Variants in HSPA4L observed in about 807,000 individuals in gnomAD.
HSPA4L encodes heat shock 70 kDa protein 4L.
A neutral mutation model predicts 100.3 loss-of-function variants in HSPA4L; 48 were observed. That is an observed-to-expected ratio of 0.48 (90% CI 0.38 to 0.61). HSPA4L has a LOEUF of 0.61. Ranked by LOEUF, HSPA4L falls within the 20% of genes least tolerant of loss-of-function variation. HSPA4L has a pLI of 0.00. For missense variants in HSPA4L, 886 were observed against 988.6 expected, an observed-to-expected ratio of 0.90 and a Z score of 1.39; for synonymous variants, 319 against 328.2, an observed-to-expected ratio of 0.97 and a Z score of 0.30.
intron 1 of HSPA4L, among the ~76,000 whole-genome samples, chr4:127,791,697 A>G (rs550810516): frequency 6.6e-6 from 1 of 152,306 alleles, no homozygotes; most frequent in Middle Eastern, 3.4e-3. Flanking sequence ...TTAACACTAC[A>G]GTCAATATGA....
chr4:127,791,554 AT>A (rs1039069946), intron 1 of HSPA4L, among the ~76,000 whole-genome samples: 1 of 152,174 alleles, frequency 6.6e-6, no homozygotes, highest in Admixed American at 6.5e-5. Flanking sequence ...TGGCTGCCAT[AT>A]GGGATGGTGA....
intron 15 of HSPA4L, 87 bp downstream of exon 15, chr4:127,822,981 C>G (rs937762843): frequency 7.6e-7 from 1 of 1,319,596 alleles, no homozygotes; most frequent in African/African-American, 1.5e-5. Flanking sequence ...ATAAATGTAC[C>G]AAATGTTGTT....
intron 3 of HSPA4L, among the ~76,000 whole-genome samples, chr4:127,798,162 T>C (rs1733076352): frequency 1.3e-5 from 2 of 152,186 alleles, no homozygotes; most frequent in Admixed American, 6.5e-5. Flanking sequence ...GAAAGAATGA[T>C]GTTCTCATTT....
intron 11 of HSPA4L, chr4:127,809,319 A>G: frequency 8.4e-7 from 1 of 1,186,368 alleles, no homozygotes; most frequent in Non-Finnish European, 1.3e-6. Context: ...CTGTCTTAAT[A>G]AGGACTTCTG....
intron 4 of HSPA4L, among the ~76,000 whole-genome samples, chr4:127,799,229 A>T (rs1733107135): frequency 6.6e-6 from 1 of 152,158 alleles, no homozygotes; most frequent in Non-Finnish European, 1.5e-5. Flanking sequence ...CAAGAGTCTT[A>T]TGTCATCAGA....
At chr4:127,817,311 G>T (rs960928672) in intron 12 of HSPA4L, among the ~76,000 whole-genome samples, 8 of 151,896 alleles carry the variant, frequency 5.3e-5, no homozygotes, top group Non-Finnish European at 8.8e-5. Flanking sequence ...TGATCTGCCT[G>T]CCTTGGCCTC....
intron 10 of HSPA4L, 93 bp downstream of exon 10, chr4:127,805,886 A>T: frequency 1.4e-6 from 1 of 702,008 alleles, no homozygotes; most frequent in South Asian, 2.2e-5. Context: ...ACGCTTCTTA[A>T]AATTCTGCCA....
At position 127,808,096 on chromosome 4, in the gene HSPA4L, T is replaced by G; in HGVS notation, c.1345T>G (p.Leu449Val). The change falls in exon 11 of 19, where the codon TTA (leucine) becomes GTA (valine). Residue 449 changes from leucine to valine, a missense_variant. Leu to Val is a conservative substitution (Grantham distance 32). Coordinates refer to ENST00000296464, the MANE Select transcript of HSPA4L (RefSeq NM_014278.4). ...TGAACTAGAAGCATTTTATACTAAT[T>G]TACATGAAGTGCCTTATCCTGATGC... ...PFELEAFYTN[L>V]HEVPYPDARI... The G allele has an allele frequency of 1.2e-6, 2 of 1,611,920 alleles. No homozygotes were observed. Among genetic ancestry groups the G allele is most frequent in the Non-Finnish European group, 1.7e-6 (2 of 1,179,066 alleles).
chr4:127,804,962 T>C, intron 8 of HSPA4L, 111 bp from the exon 9 acceptor site: 1 of 625,776 alleles, frequency 1.6e-6, no homozygotes, highest in South Asian at 2.7e-5. Context: ...TTCTTCCCTT[T>C]TATTTTCTGA....
At chr4:127,825,430 T>C (rs1325678407) in intron 16 of HSPA4L, among the ~76,000 whole-genome samples, 2 of 152,074 alleles carry the variant, frequency 1.3e-5, no homozygotes, top group African/African-American at 2.4e-5. Context: ...CCTTTACAAC[T>C]TGGGACAGGC....
chr4:127,810,644 C>T (rs1332367252), intron 11 of HSPA4L, among the ~76,000 whole-genome samples: 25 of 151,932 alleles, frequency 1.6e-4, no homozygotes, highest in Non-Finnish European at 1.0e-4. Context: ...CTGTAGTCCC[C>T]GCTACTTGAA....
chr4:127,812,879 G>A (rs1005698192), intron 12 of HSPA4L: 12 of 924,228 alleles, frequency 1.3e-5, no homozygotes, highest in South Asian at 1.1e-4. Flanking sequence ...TCCTTCACAC[G>A]TTTCAGGAAG....
At chr4:127,817,468 A>G (rs1303271413) in intron 12 of HSPA4L, among the ~76,000 whole-genome samples, 1 of 152,202 alleles carries the variant, frequency 6.6e-6, no homozygotes, top group Non-Finnish European at 1.5e-5. Flanking sequence ...GCTGATTCCT[A>G]CATTTCAAGC....
intron 17 of HSPA4L, among the ~76,000 whole-genome samples, chr4:127,828,089 A>G (rs1331303021): frequency 6.6e-6 from 1 of 152,098 alleles, no homozygotes; most frequent in Admixed American, 6.6e-5. Context: ...CTGTGTCTGT[A>G]CAGCTATTCT....
chr4:127,813,430 C>G (rs527380813), intron 12 of HSPA4L: 5 of 401,260 alleles, frequency 1.2e-5, no homozygotes, highest in African/African-American at 1.0e-4. Context: ...TAATCGCTTT[C>G]TTATTTGAAT....
In HSPA4L at chr4:127,795,805, A is replaced by G. The variant is rs770770339; in HGVS notation, c.203A>G (p.Lys68Arg). ...GTAAGAAATACAATTCATGGCTTCA[A>G]AAAGCTTCATGGGCGATCATTTGAT... ...TNVRNTIHGFKKLHGRSFDDP... is the reference protein window; with the variant it reads ...TNVRNTIHGFRKLHGRSFDDP... Residue 68 changes from lysine (K) to arginine (R), a missense_variant, in exon 3 of 19, where the codon AAA (lysine) becomes AGA (arginine). Lys to Arg is a conservative substitution (Grantham distance 26). Transcript: ENST00000296464. 16 of 1,613,646 alleles carry G rather than the reference A, an allele frequency of 9.9e-6. No individual in the cohort carries two copies. The highest frequency in any genetic ancestry group is 3.3e-5 in the Admixed American group (2 of 59,994).
rs900839804 is a variant in HSPA4L at position 127,840,267 on chromosome 4, C to G, written c.*7393C>G. On this transcript the variant is annotated 3_prime_UTR_variant, in exon 19 of 19. Coordinates refer to ENST00000296464, the MANE Select transcript of HSPA4L (RefSeq NM_014278.4). ...TAATTTGTGTATGTGATGACTGACTCTAGTCATTATGGAAAATAACTTTTG... is the reference window on the plus strand; with the variant it reads ...TAATTTGTGTATGTGATGACTGACTGTAGTCATTATGGAAAATAACTTTTG... The G allele has an allele frequency of 2.0e-5, 3 of 148,246 alleles. No individual in the cohort carries two copies. The highest frequency in any genetic ancestry group is 7.5e-5 in the African/African-American group (3 of 39,854). 9.2% of individuals were successfully genotyped at this position (148,246 alleles called of 1,614,324 possible). A position where few individuals can be genotyped will look rare whatever the true frequency, so the allele number is the denominator to read the frequency against.
In HSPA4L at chr4:127,833,020, A is replaced by G. The variant is rs1734126312; in HGVS notation, c.*146A>G. 1.3e-5 allele frequency: 7 copies of G among 544,550 alleles called. No individual in the cohort carries two copies. The highest frequency in any genetic ancestry group is 3.6e-5 in the Admixed American group (1 of 27,702). The allele number at this position is 544,550 out of a possible 1,614,324, so 33.7% of individuals were successfully genotyped here. On this transcript the variant is annotated 3_prime_UTR_variant, in exon 19 of 19. Coordinates refer to ENST00000296464, the MANE Select transcript of HSPA4L (RefSeq NM_014278.4). ...GGAGTAGTTTTGAAAAGTGTTTTAT[A>G]TTGAGTGCACTTCTGTTCATTTCCA...
intron 17 of HSPA4L, among the ~76,000 whole-genome samples, chr4:127,829,975 GT>G (rs1274864319): frequency 6.6e-6 from 1 of 151,274 alleles, no homozygotes; most frequent in Non-Finnish European, 1.5e-5. Context: ...TTTTCCATTT[GT>G]TTGTTTGGGG....
Sources: gnomAD v4.1 joint callset for allele counts (sites outside exome capture counted in the v4.1 genomes callset) on GRCh38, gnomAD v4.1.1 for gene constraint, MANE v1.5 for transcripts, NCBI Gene and HGNC (gene_info 2026-07-23, HGNC 2026-07-21) for gene names.